CCDC158: variants seen among roughly 807,000 people sequenced by gnomAD.
The protein encoded by CCDC158 is coiled-coil domain-containing protein 158.
A neutral mutation model predicts 138.6 loss-of-function variants in CCDC158; 116 were observed. The ratio of observed to expected loss-of-function variants is 0.84; its 90% CI spans 0.72 to 0.98. CCDC158 has a LOEUF of 0.98. Among genes scored for constraint, CCDC158 ranks in the 50% least tolerant of loss-of-function variants. CCDC158 has a pLI of 0.00. For synonymous variants in CCDC158, 436 were observed against 442.4 expected (o/e 0.99, Z 0.18); for missense variants, 1,265 against 1,306.1 (o/e 0.97, Z 0.48).
chr4:76,315,335 G>A (rs1719279162), intron 24 of CCDC158, among the ~76,000 whole-genome samples: 1 of 152,076 alleles, frequency 6.6e-6, no homozygotes, highest in Non-Finnish European at 1.5e-5. Context: ...CCCTGCCCTG[G>A]TAGCTGATCA....
chr4:76,315,923 G>A (rs961276727), intron 24 of CCDC158, among the ~76,000 whole-genome samples: 2 of 152,164 alleles, frequency 1.3e-5, no homozygotes, highest in East Asian at 1.9e-4. Flanking sequence ...GGAGGGGGAG[G>A]ACACCACATC....
At chr4:76,420,628 C>T (rs1730040575) in intron 1 of CCDC158, among the ~76,000 whole-genome samples, 1 of 152,206 alleles carries the variant, frequency 6.6e-6, no homozygotes, top group Non-Finnish European at 1.5e-5. Context: ...CCCATCTCCT[C>T]CCCCTGTTCG....
rs374855307 is a variant in CCDC158, at chr4:76,396,412, T to G, written c.145A>C (p.Thr49Pro). The change falls in exon 4 of 25, where the codon ACA (threonine) becomes CCA (proline). Residue 49 changes from threonine (T) to proline (P), a missense_variant. Physicochemically the swap from Thr to Pro is conservative, Grantham distance 38. Transcript: ENST00000682701. ...TATTTAGGGAAAAAAGGAACCTGTGTCAAAGTCCCAGCTGAAGATGTGTTT... is the reference window on the plus strand; with the variant it reads ...TATTTAGGGAAAAAAGGAACCTGTGGCAAAGTCCCAGCTGAAGATGTGTTT... ...IENTSSAGTL[T>P]QVPFFPKYEV... The G allele has an allele frequency of 9.9e-5, 159 of 1,613,942 alleles. No homozygotes were observed. The highest frequency in any genetic ancestry group is 1.3e-4 in the Non-Finnish European group (157 of 1,179,958).
intron 13 of CCDC158, among the ~76,000 whole-genome samples, chr4:76,358,243 T>C (rs910120988): frequency 6.6e-6 from 1 of 152,152 alleles, no homozygotes; most frequent in Non-Finnish European, 1.5e-5. Flanking sequence ...TCCTGAAACC[T>C]ACACTTAATC....
intron 24 of CCDC158, among the ~76,000 whole-genome samples, chr4:76,317,919 T>G (rs998735151): frequency 6.6e-6 from 1 of 152,162 alleles, no homozygotes; most frequent in Non-Finnish European, 1.5e-5. Context: ...TTTGGATCAA[T>G]AATGAAATCA....
chr4:76,387,114 C>T (rs1463914692), intron 4 of CCDC158, among the ~76,000 whole-genome samples: 1 of 152,150 alleles, frequency 6.6e-6, no homozygotes, highest in Admixed American at 6.5e-5. Flanking sequence ...AGTGCTTGCA[C>T]CATCCCTTTC....
At chr4:76,369,028 A>T (rs1168028873) in intron 11 of CCDC158, among the ~76,000 whole-genome samples, 1 of 152,026 alleles carries the variant, frequency 6.6e-6, no homozygotes, top group Non-Finnish European at 1.5e-5. Flanking sequence ...ATCCTGGCTA[A>T]CATGGTGAAA....
At chr4:76,371,995 T>A (rs1725295555) in intron 9 of CCDC158, among the ~76,000 whole-genome samples, 1 of 151,592 alleles carries the variant, frequency 6.6e-6, no homozygotes, top group Non-Finnish European at 1.5e-5. Context: ...TTTTTTTTTT[T>A]AAAGAAAATC....
intron 2 of CCDC158, among the ~76,000 whole-genome samples, chr4:76,411,624 A>G (rs1207520717): frequency 1.3e-5 from 2 of 152,210 alleles, no homozygotes; most frequent in South Asian, 4.1e-4. Flanking sequence ...ACCCATACAT[A>G]ATACCATCTA....
At chr4:76,358,927 C>T (rs10049653) in intron 13 of CCDC158, among the ~76,000 whole-genome samples, 236 of 152,250 alleles carry the variant, frequency 1.6e-3, no homozygotes, top group Non-Finnish European at 2.5e-3. Context: ...TATGCTTTGG[C>T]TCTGTGTTCT....
chr4:76,332,418 C>CA lies in CCDC158; in HGVS notation c.2882+13dup. On this transcript the variant is annotated intron_variant, in intron 20 of 24. Coordinates refer to ENST00000682701, the MANE Select transcript of CCDC158 (RefSeq NM_001394954.1). Reference sequence around the variant, plus strand: ...GGACAATTAATTTGATTCAGAATCTCAGATTCTTCTTACCTATGGCACATG... The same window carrying CA: ...GGACAATTAATTTGATTCAGAATCTCAAGATTCTTCTTACCTATGGCACATG... The CA allele has an allele frequency of 6.3e-7, 1 of 1,596,128 alleles. No individual in the cohort carries two copies. The highest frequency in any genetic ancestry group is 8.6e-7 in the Non-Finnish European group (1 of 1,167,134).
upstream of CCDC158, among the ~76,000 whole-genome samples, chr4:76,421,293 C>T (rs1211718674): frequency 6.6e-6 from 1 of 152,070 alleles, no homozygotes; most frequent in Non-Finnish European, 1.5e-5. Context: ...GGGGACCCCT[C>T]CCGCGCCTGC....
chr4:76,351,019 A>G lies in CCDC158; in HGVS notation c.2641T>C (p.Ser881Pro). The change falls in exon 18 of 25, where the codon TCT becomes CCT. Residue 881 changes from serine (S) to proline (P), a missense_variant. Coordinates refer to ENST00000682701, the MANE Select transcript of CCDC158 (RefSeq NM_001394954.1). The part of the protein sequence containing the change: ...RSHSNVPSSQ[S>P]TASFLSHHST... ...ACATGAGACAGGAAGCTGGCTGTAG[A>G]CTGCGAAGATGGTACATTAGAATGA... 1.9e-6 allele frequency: 3 copies of G among 1,613,954 alleles called. No homozygotes were observed. Among genetic ancestry groups the G allele is most frequent in the Non-Finnish European group, 2.5e-6 (3 of 1,179,858 alleles).
intron 4 of CCDC158, 80 bp downstream of exon 4, chr4:76,396,189 T>C: frequency 1.1e-6 from 1 of 949,292 alleles, no homozygotes. Flanking sequence ...GGAAGTTGTA[T>C]AACTGGCTTT....
chr4:76,351,094 T>C lies in CCDC158; in HGVS notation c.2566A>G (p.Asn856Asp), dbSNP rs763839662. 59 of 1,613,614 alleles carry C rather than the reference T, an allele frequency of 3.7e-5. No homozygotes were observed. In the East Asian group the frequency reaches 6.2e-4, roughly 17 times the overall value. The change falls in exon 18 of 25, where the codon AAT becomes GAT. Residue 856 changes from asparagine to aspartate, a missense_variant. Asn to Asp is a conservative substitution (Grantham distance 23). Coordinates refer to ENST00000682701, the MANE Select transcript of CCDC158 (RefSeq NM_001394954.1). ...KELQGPGYTSNSSLKPRLLQP... is the reference protein window; with the variant it reads ...KELQGPGYTSDSSLKPRLLQP... ...AGAAGGCGTGGTTTCAATGAAGAAT[T>C]TGAGGTGTATCCAGGGCCCTGAAGT...
chr4:76,399,633 A>G (rs1728161023), intron 3 of CCDC158, among the ~76,000 whole-genome samples: 1 of 152,178 alleles, frequency 6.6e-6, no homozygotes, highest in South Asian at 2.1e-4. Context: ...GTAGGTAGGG[A>G]ATACAGATTT....
intron 12 of CCDC158, among the ~76,000 whole-genome samples, chr4:76,366,740 G>T (rs1724708821): frequency 6.6e-6 from 1 of 151,834 alleles, no homozygotes; most frequent in Non-Finnish European, 1.5e-5. Context: ...ACAGGGGAAA[G>T]AAACTAATAT....
chr4:76,416,408 A>G (rs556420586), intron 1 of CCDC158, among the ~76,000 whole-genome samples: 1 of 152,234 alleles, frequency 6.6e-6, no homozygotes, highest in East Asian at 1.9e-4. Flanking sequence ...ATCTCCGCAC[A>G]CGGGGAGAAA....
chr4:76,376,684 C>CTTAGGCCAGAGTGTA, intron 9 of CCDC158, among the ~76,000 whole-genome samples: 1 of 152,094 alleles, frequency 6.6e-6, no homozygotes, highest in African/African-American at 2.4e-5. Flanking sequence ...ATTAATGTCA[C>CTTAGGCCAGAGTGTA]CTTAGGCCAG....
Sources: gnomAD v4.1 joint callset for allele counts (sites outside exome capture counted in the v4.1 genomes callset) on GRCh38, gnomAD v4.1.1 for gene constraint, MANE v1.5 for transcripts, NCBI Gene and HGNC (gene_info 2026-07-23, HGNC 2026-07-21) for gene names.